AUTS2: variants seen among roughly 807,000 people sequenced by gnomAD.
AUTS2 encodes activator of transcription and developmental regulator AUTS2, also known as autism susceptibility gene 2 protein.
In AUTS2, 17 loss-of-function variants were observed where a neutral mutation model predicts 112.4. That is an observed-to-expected ratio of 0.15 (90% CI 0.10 to 0.23). The LOEUF is 0.23. Ranked by LOEUF, AUTS2 falls within the 10% of genes least tolerant of loss-of-function variation. The probability of loss-of-function intolerance (pLI) is 1.00; values close to 1 mark genes in which losing one functional copy is unlikely to be tolerated. For missense variants in AUTS2, 1,510 were observed against 1,701.6 expected (o/e 0.89, Z 1.98); for synonymous variants, 751 against 702.7 (o/e 1.07, Z -1.09).
chr7:70,254,420 C>CTTCCTGTTT (rs139344861), intron 4 of AUTS2, among the ~76,000 whole-genome samples: 1 of 151,820 alleles, frequency 6.6e-6, no homozygotes, highest in African/African-American at 2.4e-5. Context: ...CTACAAATAC[C>CTTCCTGTTT]TACAAAGACC....
At chr7:69,662,280 G>A (rs867083950) in intron 1 of AUTS2, among the ~76,000 whole-genome samples, 4 of 151,772 alleles carry the variant, frequency 2.6e-5, no homozygotes, top group Middle Eastern at 3.2e-3. Context: ...TGGAAGAGCC[G>A]ACCAACTTAT....
At chr7:70,753,632 A>G (rs1168856836) in intron 6 of AUTS2, among the ~76,000 whole-genome samples, 1 of 152,190 alleles carries the variant, frequency 6.6e-6, no homozygotes, top group East Asian at 1.9e-4. Context: ...AAAGAGGGAG[A>G]GGAGGAAAAT....
intron 2 of AUTS2, among the ~76,000 whole-genome samples, chr7:70,007,465 A>G (rs1006686193): frequency 5.9e-5 from 9 of 152,058 alleles, no homozygotes; most frequent in Admixed American, 2.6e-4. Context: ...ACTTACATTA[A>G]TATTGTGGCC....
chr7:70,723,302 AC>A (rs1786808321), intron 6 of AUTS2, among the ~76,000 whole-genome samples: 1 of 152,170 alleles, frequency 6.6e-6, no homozygotes, highest in East Asian at 1.9e-4. Flanking sequence ...TTGGTTTAGA[AC>A]ACCTTTGGAT....
At chr7:69,941,669 A>T (rs1038327038) in intron 2 of AUTS2, among the ~76,000 whole-genome samples, 1 of 151,848 alleles carries the variant, frequency 6.6e-6, no homozygotes, top group Non-Finnish European at 1.5e-5. Flanking sequence ...GCTTGTAGTA[A>T]CCATTATAGT....
chr7:70,577,988 G>A (rs965903002), intron 5 of AUTS2, among the ~76,000 whole-genome samples: 26 of 151,840 alleles, frequency 1.7e-4, no homozygotes, highest in Non-Finnish European at 2.6e-4. Flanking sequence ...CCGCCACCAC[G>A]CCCGGCTAAT....
intron 2 of AUTS2, among the ~76,000 whole-genome samples, chr7:69,967,508 G>A (rs1420899431): frequency 6.6e-6 from 1 of 152,108 alleles, no homozygotes; most frequent in Non-Finnish European, 1.5e-5. Context: ...ATCACACACA[G>A]TGTTTTAGGA....
At chr7:70,363,628 C>G (rs148492763) in intron 4 of AUTS2, among the ~76,000 whole-genome samples, 80 of 152,208 alleles carry the variant, frequency 5.3e-4, no homozygotes, top group African/African-American at 1.8e-3. Context: ...TCCCATAACT[C>G]AACGGGTATT....
chr7:70,572,107 G>A lies in AUTS2; in HGVS notation c.691-126462G>A, dbSNP rs563114739. On this transcript the variant is annotated intron_variant, in intron 5 of 18. Transcript: ENST00000342771. ...GATTTTATGAATTTTCTATTGTTATGCATTCGAGTTCCCATGGCATCGTTT... is the reference window on the plus strand; with the variant it reads ...GATTTTATGAATTTTCTATTGTTATACATTCGAGTTCCCATGGCATCGTTT... Among the ~76,000 whole-genome samples, 8 of 152,268 alleles carry A rather than the reference G, an allele frequency of 5.3e-5. No individual in the cohort carries two copies. The South Asian group carries it at 1.7e-3, about 32-fold the overall frequency.
chr7:70,101,992 A>G (rs1452208411), intron 2 of AUTS2, among the ~76,000 whole-genome samples: 1 of 151,982 alleles, frequency 6.6e-6, no homozygotes, highest in Non-Finnish European at 1.5e-5. Context: ...TTTATTTTAT[A>G]TATTTTGTAA....
At chr7:70,096,565 C>T (rs1455254501) in intron 2 of AUTS2, among the ~76,000 whole-genome samples, 7 of 145,404 alleles carry the variant, frequency 4.8e-5, no homozygotes, top group Non-Finnish European at 1.0e-4. Context: ...CGCCATTGCA[C>T]TCCAGCCTGG....
intron 1 of AUTS2, among the ~76,000 whole-genome samples, chr7:69,826,278 A>C (rs1791240172): frequency 6.6e-6 from 1 of 152,228 alleles, no homozygotes; most frequent in Admixed American, 6.5e-5. Context: ...ACGGCTGTGG[A>C]CTGGCAAAGT....
intron 2 of AUTS2, among the ~76,000 whole-genome samples, chr7:70,054,403 G>A (rs1801900114): frequency 6.6e-6 from 1 of 151,482 alleles, no homozygotes; most frequent in Non-Finnish European, 1.5e-5. Context: ...TCAACCTTCT[G>A]TGATACTACT....
intron 3 of AUTS2, among the ~76,000 whole-genome samples, chr7:70,131,560 A>G (rs1396959517): frequency 6.6e-6 from 1 of 152,198 alleles, no homozygotes; most frequent in Non-Finnish European, 1.5e-5. Flanking sequence ...ACATCTGTCA[A>G]TAACTTACAG....
chr7:70,000,200 G>T (rs973573186), intron 2 of AUTS2, among the ~76,000 whole-genome samples: 1 of 152,164 alleles, frequency 6.6e-6, no homozygotes, highest in Non-Finnish European at 1.5e-5. Flanking sequence ...GATTCAGTCC[G>T]ATACAGTCAG....
chr7:70,483,646 T>A (rs1377110267), intron 5 of AUTS2, among the ~76,000 whole-genome samples: 1 of 152,130 alleles, frequency 6.6e-6, no homozygotes, highest in Non-Finnish European at 1.5e-5. Flanking sequence ...GATTTTAAAG[T>A]CCCTTTCAGC....
intron 5 of AUTS2, among the ~76,000 whole-genome samples, chr7:70,444,837 T>C (rs1285102294): frequency 6.6e-6 from 1 of 152,146 alleles, no homozygotes; most frequent in Non-Finnish European, 1.5e-5. Flanking sequence ...CAGTAAGCCC[T>C]GTGGTGGGTG....
At chr7:70,418,907 A>C (rs756890045) in intron 4 of AUTS2, among the ~76,000 whole-genome samples, 1 of 151,694 alleles carries the variant, frequency 6.6e-6, no homozygotes, top group African/African-American at 2.4e-5. Flanking sequence ...AATATTGTAT[A>C]TATAACTCTA....
intron 1 of AUTS2, among the ~76,000 whole-genome samples, chr7:69,650,678 A>G (rs1433099540): frequency 6.6e-6 from 1 of 152,234 alleles, no homozygotes; most frequent in East Asian, 1.9e-4. Flanking sequence ...TTCTGGATGT[A>G]GGTCCCTCTG....
Sources: gnomAD v4.1 joint callset for allele counts (sites outside exome capture counted in the v4.1 genomes callset) on GRCh38, gnomAD v4.1.1 for gene constraint, MANE v1.5 for transcripts, NCBI Gene and HGNC (gene_info 2026-07-23, HGNC 2026-07-21) for gene names.